TGS1: variants seen among roughly 807,000 people sequenced by gnomAD.
The protein encoded by TGS1 is trimethylguanosine synthase.
TGS1 carries 69 observed loss-of-function variants against 92.2 expected under a neutral mutation model. The ratio of observed to expected loss-of-function variants is 0.75; its 90% CI spans 0.62 to 0.91. TGS1 has a LOEUF of 0.91. TGS1 is among the 40% of genes least tolerant of loss of function. The pLI is 0.00. For synonymous variants in TGS1, 345 were observed against 338.1 expected (o/e 1.02, Z -0.22); for missense variants, 1,062 against 1,001.2 (o/e 1.06, Z -0.82).
At chr8:55,790,609 T>A (rs1811851915) in intron 5 of TGS1, among the ~76,000 whole-genome samples, 1 of 152,120 alleles carries the variant, frequency 6.6e-6, no homozygotes, top group Non-Finnish European at 1.5e-5. Context: ...CAATTGAACT[T>A]GAACTCCTCA....
intron 6 of TGS1, among the ~76,000 whole-genome samples, chr8:55,793,931 T>C (rs1325187371): frequency 6.6e-6 from 1 of 151,954 alleles, no homozygotes; most frequent in Non-Finnish European, 1.5e-5. Context: ...TACACACATT[T>C]TGCTTCTCTT....
rs1803775210 is a variant in TGS1 at position 55,825,672 on chromosome 8, A to G, written c.*969A>G. 1.3e-5 allele frequency among the ~76,000 whole-genome samples: 2 copies of G among 152,212 alleles called. No individual in the cohort carries two copies. The highest frequency in any genetic ancestry group is 1.3e-4 in the Admixed American group (2 of 15,282). The stretch of plus-strand genomic sequence containing the variant: ...GGGAATTTCCAATAAATACTAGAAA[A>G]TTAGACTAGAAAAATAGCTGTTATA... On this transcript the variant is annotated 3_prime_UTR_variant, in exon 13 of 13. Coordinates refer to ENST00000260129, the MANE Select transcript of TGS1 (RefSeq NM_024831.8).
intron 12 of TGS1, among the ~76,000 whole-genome samples, chr8:55,823,976 C>T (rs1803724326): frequency 6.6e-6 from 1 of 151,934 alleles, no homozygotes; most frequent in Admixed American, 6.6e-5. Context: ...ATTAGCTGGG[C>T]ATGGTGGCAT....
At chr8:55,789,643 G>C (rs972412955) in intron 4 of TGS1, among the ~76,000 whole-genome samples, 1 of 152,106 alleles carries the variant, frequency 6.6e-6, no homozygotes, top group Non-Finnish European at 1.5e-5. Flanking sequence ...AACGATTCTC[G>C]AATCAGGCAG....
At chr8:55,783,266 A>T (rs1213075825) in intron 2 of TGS1, among the ~76,000 whole-genome samples, 1 of 152,176 alleles carries the variant, frequency 6.6e-6, no homozygotes, top group African/African-American at 2.4e-5. Flanking sequence ...TAAAAATACA[A>T]AAATTATCCA....
At chr8:55,809,347 T>C (rs986117833) in intron 10 of TGS1, among the ~76,000 whole-genome samples, 11 of 152,236 alleles carry the variant, frequency 7.2e-5, no homozygotes, top group Admixed American at 5.2e-4. Flanking sequence ...TGATGACTTA[T>C]ATGTTCTATA....
rs1803766523 is a variant in TGS1 at position 55,825,390 on chromosome 8, A to G, written c.*687A>G. 1 of 152,214 alleles carries G rather than the reference A, an allele frequency of 6.6e-6. No individual in the cohort carries two copies. Among genetic ancestry groups the G allele is most frequent in the Non-Finnish European group, 1.5e-5 (1 of 68,046 alleles). The allele number at this position is 152,214 out of a possible 1,614,324, so 9.4% of individuals were successfully genotyped here. On this transcript the variant is annotated 3_prime_UTR_variant, in exon 13 of 13. Coordinates refer to ENST00000260129, the MANE Select transcript of TGS1 (RefSeq NM_024831.8). ...AATTTCCATTGTGACATCAATACGC[A>G]ATATATTTTGTAATATAGGAGTTTC...
At chr8:55,791,960 G>T (rs1251522014) in intron 5 of TGS1, among the ~76,000 whole-genome samples, 1 of 152,148 alleles carries the variant, frequency 6.6e-6, no homozygotes, top group Non-Finnish European at 1.5e-5. Context: ...GATATGGGGT[G>T]CTCCACGTAA....
At position 55,813,071 on chromosome 8, in the gene TGS1, A is replaced by C. The variant is rs1407981093; in HGVS notation, c.2392A>C (p.Thr798Pro). The change falls in exon 12 of 13, where the codon ACT (threonine) becomes CCT (proline). Residue 798 changes from threonine (T) to proline (P), a missense_variant. By Grantham distance (38) the Thr-to-Pro change is conservative. Coordinates refer to ENST00000260129, the MANE Select transcript of TGS1 (RefSeq NM_024831.8). ...FEIFRLSKKITNNIVYFLPRN... is the reference protein window; with the variant it reads ...FEIFRLSKKIPNNIVYFLPRN... The stretch of plus-strand genomic sequence containing the variant: ...AATTTTCAGACTTTCTAAGAAGATC[A>C]CTAATAATATTGTTTATTTTCTTCC... 1.2e-6 allele frequency: 2 copies of C among 1,610,918 alleles called. No individual in the cohort carries two copies. The highest frequency in any genetic ancestry group is 4.5e-5 in the East Asian group (2 of 44,770).
chr8:55,814,675 ATAT>A (rs1473940203), intron 12 of TGS1, among the ~76,000 whole-genome samples: 2 of 111,580 alleles, frequency 1.8e-5, no homozygotes, highest in African/African-American at 4.3e-5. Flanking sequence ...AAAAAAAAAA[ATAT>A]ATATATATAT....
At chr8:55,788,044 A>G (rs1420479667) in intron 4 of TGS1, among the ~76,000 whole-genome samples, 4 of 152,342 alleles carry the variant, frequency 2.6e-5, no homozygotes, top group Non-Finnish European at 5.9e-5. Context: ...TAGGGATCAC[A>G]TTTAAACATG....
rs1254590037 is a variant in TGS1 at position 55,824,663 on chromosome 8, A to G, written c.2522A>G (p.Tyr841Cys). 8 of 1,614,232 alleles carry G rather than the reference A, an allele frequency of 5.0e-6. No homozygotes were observed. Among genetic ancestry groups the G allele is most frequent in the Non-Finnish European group, 5.9e-6 (7 of 1,180,034 alleles). ...LNNKLKTITA[Y>C]FGDLIRRPAS... ...AACAAATTGAAGACAATCACTGCAT[A>G]TTTTGGTGACCTAATTCGAAGACCA... Residue 841 changes from tyrosine to cysteine, a missense_variant, in exon 13 of 13, where the codon TAT becomes TGT. Coordinates refer to ENST00000260129, the MANE Select transcript of TGS1 (RefSeq NM_024831.8).
At chr8:55,784,474 G>A (rs894815369) in intron 2 of TGS1, among the ~76,000 whole-genome samples, 1 of 152,102 alleles carries the variant, frequency 6.6e-6, no homozygotes, top group Admixed American at 6.6e-5. Flanking sequence ...CACCACACCA[G>A]GGTAGTTTGT....
chr8:55,806,154 A>G (rs1812363334), intron 10 of TGS1, among the ~76,000 whole-genome samples: 5 of 151,332 alleles, frequency 3.3e-5, no homozygotes, highest in South Asian at 2.1e-4. Context: ...TGGGGAGTTC[A>G]AGACCAGCCT....
In TGS1 at chr8:55,824,630, T is replaced by C. The variant is rs763769731; in HGVS notation, c.2489T>C (p.Phe830Ser). Residue 830 changes from phenylalanine (F) to serine (S), a missense_variant, in exon 13 of 13, where the codon TTC (phenylalanine) becomes TCC (serine). Transcript: ENST00000260129. ...GGGCAAGTGGAAATAGAACAGAACTTCCTTAACAACAAATTGAAGACAATC... is the reference window on the plus strand; with the variant it reads ...GGGCAAGTGGAAATAGAACAGAACTCCCTTAACAACAAATTGAAGACAATC... ...PGGQVEIEQN[F>S]LNNKLKTITA... is the part of the protein sequence containing the mutation. The C allele has an allele frequency of 6.2e-7, 1 of 1,614,070 alleles. No individual in the cohort carries two copies. The highest frequency in any genetic ancestry group is 8.5e-7 in the Non-Finnish European group (1 of 1,180,042).
intron 12 of TGS1, among the ~76,000 whole-genome samples, chr8:55,822,041 TAAC>T: frequency 6.6e-6 from 1 of 151,770 alleles, no homozygotes; most frequent in South Asian, 2.1e-4. Flanking sequence ...ATGGCTTTCT[TAAC>T]AACAACAATA....
intron 4 of TGS1, 154 bp from the exon 5 acceptor site, chr8:55,790,028 G>A (rs1453362167): frequency 4.8e-6 from 3 of 620,098 alleles, no homozygotes; most frequent in South Asian, 4.0e-5. Flanking sequence ...GACTCTGCAT[G>A]TAGACACAAA....
chr8:55,813,651 A>G (rs1803395717), intron 12 of TGS1, among the ~76,000 whole-genome samples: 1 of 152,130 alleles, frequency 6.6e-6, no homozygotes, highest in African/African-American at 2.4e-5. Context: ...TAGCCCTAGT[A>G]TTCTGATGTT....
chr8:55,807,482 A>G (rs1042629659), intron 10 of TGS1, among the ~76,000 whole-genome samples: 1 of 151,096 alleles, frequency 6.6e-6, no homozygotes, highest in African/African-American at 2.4e-5. Context: ...GCCCAAACTG[A>G]TATAGCTGGG....
Sources: gnomAD v4.1 joint callset for allele counts (sites outside exome capture counted in the v4.1 genomes callset) on GRCh38, gnomAD v4.1.1 for gene constraint, MANE v1.5 for transcripts, NCBI Gene and HGNC (gene_info 2026-07-23, HGNC 2026-07-21) for gene names.